HSPG2: variants seen among roughly 807,000 people sequenced by gnomAD.
The protein encoded by HSPG2 is heparan sulfate proteoglycan 2, also known as basement membrane-specific heparan sulfate proteoglycan core protein.
In HSPG2, 278 loss-of-function variants were observed where a neutral mutation model predicts 526.6. The observed-to-expected ratio is 0.53, with a 90% CI of 0.48 to 0.58. The LOEUF (loss-of-function observed/expected upper bound fraction) is 0.58, where lower values mean the gene tolerates loss of function less well. Ranked by LOEUF, HSPG2 falls within the 20% of genes least tolerant of loss-of-function variation. The probability of loss-of-function intolerance (pLI) is 0.00; values close to 1 mark genes in which losing one functional copy is unlikely to be tolerated. For synonymous variants in HSPG2, 2,465 were observed against 2,555.4 expected (o/e 0.96, Z 1.07); for missense variants, 5,354 against 6,099.5 (o/e 0.88, Z 4.07).
At chr1:21,853,599 A>T (rs1639082047) in intron 50 of HSPG2, 1 of 169,016 alleles carries the variant, frequency 5.9e-6, no homozygotes, top group African/African-American at 2.4e-5. Flanking sequence ...ACAAAAAATT[A>T]GCCGGCCTGG....
At position 21,887,301 on chromosome 1, in the gene HSPG2, G is replaced by A. The variant is rs564111723; in HGVS notation, c.992C>T (p.Pro331Leu). The change falls in exon 9 of 97, where the codon CCC becomes CTC. Residue 331 changes from proline to leucine, a missense_variant. Transcript: ENST00000374695. The surrounding 1 kb of genome is among the most constrained non-coding windows in gnomAD (Gnocchi z 5.0). ...GAGGGCACAATGTCCATTCCCGCAG[G>A]GGAACTCGTTGGGCTCACAGGGTGG... ...PPPPCEPNEF[P>L]CGNGHCALKL... 10 of 1,614,094 alleles carry A rather than the reference G, an allele frequency of 6.2e-6. No individual in the cohort carries two copies. In the African/African-American group the frequency reaches 9.3e-5, roughly 15 times the overall value.
chr1:21,911,657 C>T (rs1418268277), intron 1 of HSPG2, among the ~76,000 whole-genome samples: 1 of 152,192 alleles, frequency 6.6e-6, no homozygotes, highest in Non-Finnish European at 1.5e-5. Context: ...CTGGCCTGCT[C>T]CAGGGCCCCC....
At chr1:21,874,084 A>ATCG in intron 28 of HSPG2, 73 bp from the exon 29 acceptor site, 4 of 1,294,020 alleles carry the variant, frequency 3.1e-6, no homozygotes, top group African/African-American at 1.5e-5. Flanking sequence ...CTTCAGGACC[A>ATCG]GGGGAGAGGG....
chr1:21,935,965 CG>C (rs1460863149), intron 1 of HSPG2, among the ~76,000 whole-genome samples: 10 of 152,014 alleles, frequency 6.6e-5, no homozygotes, highest in African/African-American at 2.4e-4. Context: ...GGGGGCTTGA[CG>C]AGTGACTCAG....
intron 3 of HSPG2, among the ~76,000 whole-genome samples, chr1:21,891,510 C>T (rs376232914): frequency 1.6e-4 from 24 of 152,334 alleles, no homozygotes; most frequent in East Asian, 9.6e-4. Flanking sequence ...CATTCACGCC[C>T]GCATCCCCAG....
chr1:21,837,363 G>A (rs996296731), intron 74 of HSPG2, among the ~76,000 whole-genome samples: 1 of 152,008 alleles, frequency 6.6e-6, no homozygotes, highest in African/African-American at 2.4e-5. Context: ...TCACTGCAAC[G>A]TCCACCTCCC....
At chr1:21,823,812 A>G (rs908916865) in intron 95 of HSPG2, 93 bp from the exon 96 acceptor site, 52 of 959,536 alleles carry the variant, frequency 5.4e-5, no homozygotes, top group Non-Finnish European at 7.8e-5. Context: ...TCGAGACTCC[A>G]GACTCAGAAG....
At chr1:21,856,364 A>G (rs1175265943) in intron 44 of HSPG2, among the ~76,000 whole-genome samples, 1 of 152,110 alleles carries the variant, frequency 6.6e-6, no homozygotes, top group Non-Finnish European at 1.5e-5. Flanking sequence ...CTCCTCAGAG[A>G]GGCCCTCCCT....
chr1:21,894,687 GC>G (rs1557801696), intron 3 of HSPG2, among the ~76,000 whole-genome samples: 1 of 152,176 alleles, frequency 6.6e-6, no homozygotes, highest in Non-Finnish European at 1.5e-5. Flanking sequence ...GCAGTGGGCA[GC>G]CCCCGGGGAG....
In HSPG2 at chr1:21,852,109, G is replaced by A; in HGVS notation, c.6849C>T (p.Gly2283=). Residue 2283 remains glycine, a synonymous_variant, in exon 53 of 97, where the codon GGC becomes GGT. Coordinates refer to ENST00000374695, the MANE Select transcript of HSPG2 (RefSeq NM_005529.7). ...HAQVTWYKRG[G]SLPARHQVRG... Reference sequence around the variant, plus strand: ...GTACCTGGTGCCGGGCAGGGAGGCTGCCCCCACGCTTGTACCATGTGACCT... The same window carrying A: ...GTACCTGGTGCCGGGCAGGGAGGCTACCCCCACGCTTGTACCATGTGACCT... 1 of 1,613,642 alleles carries A rather than the reference G, an allele frequency of 6.2e-7. No individual in the cohort carries two copies. Among genetic ancestry groups the A allele is most frequent in the Non-Finnish European group, 8.5e-7 (1 of 1,180,012 alleles).
At chr1:21,906,475 A>G (rs1246626612) in intron 1 of HSPG2, among the ~76,000 whole-genome samples, 1 of 152,164 alleles carries the variant, frequency 6.6e-6, no homozygotes, top group Non-Finnish European at 1.5e-5. Context: ...GCTGTAAGGA[A>G]GAAGAGGAAG....
intron 1 of HSPG2, among the ~76,000 whole-genome samples, chr1:21,912,285 A>C (rs1236677532): frequency 6.6e-6 from 1 of 152,116 alleles, no homozygotes; most frequent in Non-Finnish European, 1.5e-5. Flanking sequence ...CTGCCGTCAG[A>C]ATTCAACAGG....
intron 1 of HSPG2, 78 bp from the exon 2 acceptor site, chr1:21,896,388 G>A: frequency 6.4e-7 from 1 of 1,564,922 alleles, no homozygotes; most frequent in Non-Finnish European, 8.7e-7. Flanking sequence ...TCACTTCCAG[G>A]GGGACCCAGA....
chr1:21,890,460 G>A lies in HSPG2; in HGVS notation c.380C>T (p.Pro127Leu), dbSNP rs138549668. The change falls in exon 5 of 97, where the codon CCC becomes CTC. Residue 127 changes from proline (P) to leucine (L), a missense_variant. Physicochemically the swap from Pro to Leu is moderately conservative, Grantham distance 98. Transcript: ENST00000374695. This position sits in a 1 kb window ranked among gnomAD's most constrained non-coding sequence, Gnocchi z 4.1. ...DTLESEYLKI[P>L]GDQVVSVVFI... Reference sequence around the variant, plus strand: ...CACCACACTGACAACCTGGTCTCCGGGAATTTTCAAGTACTCCGACTCCAG... The same window carrying A: ...CACCACACTGACAACCTGGTCTCCGAGAATTTTCAAGTACTCCGACTCCAG... 10 of 1,613,946 alleles carry A rather than the reference G, an allele frequency of 6.2e-6. No homozygotes were observed. The African/African-American group carries it at 1.3e-4, about 22-fold the overall frequency.
intron 1 of HSPG2, among the ~76,000 whole-genome samples, chr1:21,910,798 G>T (rs1643615927): frequency 6.6e-6 from 1 of 152,088 alleles, no homozygotes; most frequent in Admixed American, 6.6e-5. Context: ...TGAGCACAAA[G>T]AACACATCAA....
chr1:21,888,660 A>G (rs748583963), intron 6 of HSPG2: 2 of 1,362,236 alleles, frequency 1.5e-6, no homozygotes, highest in South Asian at 1.1e-5. Flanking sequence ...CCTGGCTTAC[A>G]CTCTCACCTG....
In HSPG2 at chr1:21,831,195, T is replaced by C. The variant is rs557245456; in HGVS notation, c.11562+20A>G. 3 of 1,603,128 alleles carry C rather than the reference T, an allele frequency of 1.9e-6. No individual in the cohort carries two copies. In the East Asian group the frequency reaches 6.7e-5, roughly 36 times the overall value. ...GGTGGAGGCCACGGCAGCCAGGTGG[T>C]GTGTGGGGTGTGGGGTCACCTGGCA... On this transcript the variant is annotated intron_variant, in intron 84 of 96. Transcript: ENST00000374695.
chr1:21,834,875 G>T lies in HSPG2; in HGVS notation c.10524C>A (p.Phe3508Leu), dbSNP rs991985128. The T allele has an allele frequency of 1.2e-6, 2 of 1,613,806 alleles. No homozygotes were observed. Among genetic ancestry groups the T allele is most frequent in the East Asian group, 4.5e-5 (2 of 44,866 alleles). ...TGGGGTCACCCAGTGCCAGGCATTC[G>T]AACTCCACGGCGTGGCCAACCACCA... ...QTVVVGHAVE[F>L]ECLALGDPKP... is the part of the protein sequence containing the mutation. The change falls in exon 77 of 97, where the codon TTC becomes TTA. Residue 3508 changes from phenylalanine (F) to leucine (L), a missense_variant. Physicochemically the swap from Phe to Leu is conservative, Grantham distance 22 (BLOSUM62 0). Coordinates refer to ENST00000374695, the MANE Select transcript of HSPG2 (RefSeq NM_005529.7).
chr1:21,891,960 G>A (rs1220379162), intron 3 of HSPG2, among the ~76,000 whole-genome samples: 3 of 152,208 alleles, frequency 2.0e-5, no homozygotes, highest in Admixed American at 6.5e-5. Flanking sequence ...TCATGTATGT[G>A]ATAGATATGA....
Sources: gnomAD v4.1 joint callset for allele counts (sites outside exome capture counted in the v4.1 genomes callset) on GRCh38, gnomAD v4.1.1 for gene constraint, Gnocchi (gnomAD v3.1) non-coding constraint, MANE v1.5 for transcripts, NCBI Gene and HGNC (gene_info 2026-07-23, HGNC 2026-07-21) for gene names.